The following KIRREL3 variants were observed in gnomAD, a reference collection of about 807,000 sequenced individuals.
The protein encoded by KIRREL3 is kirre like nephrin family adhesion molecule 3.
A neutral mutation model predicts 89.7 loss-of-function variants in KIRREL3; 36 were observed. The ratio of observed to expected loss-of-function variants is 0.40; its 90% CI spans 0.31 to 0.53. The LOEUF is 0.53. Among genes scored for constraint, KIRREL3 ranks in the 20% least tolerant of loss-of-function variants. KIRREL3 has a pLI of 0.49. For synonymous variants in KIRREL3, 445 were observed against 441.4 expected, an observed-to-expected ratio of 1.01 and a Z score of -0.10; for missense variants, 864 against 1,056.6, an observed-to-expected ratio of 0.82 and a Z score of 2.53.
intron 1 of KIRREL3, among the ~76,000 whole-genome samples, chr11:126,841,956 C>T (rs749030009): frequency 9.9e-5 from 15 of 152,192 alleles, no homozygotes; most frequent in Non-Finnish European, 1.8e-4. Context: ...TAGGGGGTAA[C>T]CTTGCTTCCC....
chr11:126,521,072 A>G lies in KIRREL3; in HGVS notation c.433+243T>C, dbSNP rs879809023. Among the ~76,000 whole-genome samples the G allele has an allele frequency of 2.0e-5, 3 of 152,182 alleles. No homozygotes were observed. Among genetic ancestry groups the G allele is most frequent in the Non-Finnish European group, 2.9e-5 (2 of 68,022 alleles). ...CATTAGCTGCCTAAGGCACCATCAA[A>G]CACGCCGGGGTTGGACTGAGTCCGC... is the stretch of plus-strand genomic sequence containing the variant. On this transcript the variant is annotated intron_variant, in intron 4 of 16. Coordinates refer to ENST00000525144, the MANE Select transcript of KIRREL3 (RefSeq NM_032531.4). The surrounding 1 kb of genome is among the most constrained non-coding windows in gnomAD (Gnocchi z 4.1).
chr11:126,646,766 C>T (rs749030453), intron 1 of KIRREL3, among the ~76,000 whole-genome samples: 5 of 152,220 alleles, frequency 3.3e-5, no homozygotes, highest in East Asian at 3.9e-4. Flanking sequence ...TGAGCCACTG[C>T]GCCCGGCCAC....
At chr11:126,972,371 T>G (rs1468348890) in intron 1 of KIRREL3, among the ~76,000 whole-genome samples, 2 of 152,202 alleles carry the variant, frequency 1.3e-5, no homozygotes, top group African/African-American at 4.8e-5. Context: ...TCCCACTCTA[T>G]GCAAAAGCTG....
At chr11:126,556,281 A>G (rs1420301956) in intron 2 of KIRREL3, among the ~76,000 whole-genome samples, 3 of 151,996 alleles carry the variant, frequency 2.0e-5, no homozygotes, top group Non-Finnish European at 4.4e-5. Flanking sequence ...TACAGGAGGC[A>G]CTCAGGAGAT....
Position 126,954,245 on chromosome 11 carries a change from G to T in KIRREL3, c.55+46210C>A, listed in dbSNP as rs887448197. 6.6e-6 allele frequency among the ~76,000 whole-genome samples: 1 copy of T among 151,096 alleles called. No homozygotes were observed. The highest frequency in any genetic ancestry group is 6.6e-5 in the Admixed American group (1 of 15,174). On this transcript the variant is annotated intron_variant, in intron 1 of 16. Coordinates refer to ENST00000525144, the MANE Select transcript of KIRREL3 (RefSeq NM_032531.4). The surrounding 1 kb of genome is among the most constrained non-coding windows in gnomAD (Gnocchi z 4.1). ...CTCAAGGATTATAGAGGAATTCTGG[G>T]AAGCTTTCATCAGGCCTCTTAAAAA...
At position 126,566,570 on chromosome 11, in the gene KIRREL3, G is replaced by A. The variant is rs1940536173; in HGVS notation, c.56-3658C>T. On this transcript the variant is annotated intron_variant, in intron 1 of 16. Coordinates refer to ENST00000525144, the MANE Select transcript of KIRREL3 (RefSeq NM_032531.4). This position sits in a 1 kb window ranked among gnomAD's most constrained non-coding sequence, Gnocchi z 4.9. ...AGCACAATGGGTTTAGGTTAGCAGA[G>A]GTTGGTTGTAGAGTGAATGAAACTT... Among the ~76,000 whole-genome samples the A allele has an allele frequency of 6.6e-6, 1 of 152,192 alleles. No homozygotes were observed. The highest frequency in any genetic ancestry group is 2.4e-5 in the African/African-American group (1 of 41,442).
intron 1 of KIRREL3, among the ~76,000 whole-genome samples, chr11:126,792,543 C>T (rs1950678123): frequency 6.6e-6 from 1 of 152,140 alleles, no homozygotes; most frequent in South Asian, 2.1e-4. Context: ...CCCAGCAATT[C>T]TTCAGGTATA....
chr11:126,823,654 G>A (rs983137878), intron 1 of KIRREL3, among the ~76,000 whole-genome samples: 1 of 152,158 alleles, frequency 6.6e-6, no homozygotes, highest in African/African-American at 2.4e-5. Flanking sequence ...GGATAAATAG[G>A]GAGAAATCAG....
chr11:126,842,842 G>A (rs1944010379), intron 1 of KIRREL3, among the ~76,000 whole-genome samples: 1 of 152,174 alleles, frequency 6.6e-6, no homozygotes, highest in South Asian at 2.1e-4. Context: ...CAGAACACTG[G>A]GCCGACCATG....
At chr11:126,554,421 C>T (rs1385449182) in intron 2 of KIRREL3, among the ~76,000 whole-genome samples, 2 of 152,190 alleles carry the variant, frequency 1.3e-5, no homozygotes. Flanking sequence ...GGTAAACTTT[C>T]TGGGGACCAA....
chr11:126,522,593 C>A lies in KIRREL3; in HGVS notation c.284-1129G>T, dbSNP rs1254233276. 6.6e-6 allele frequency among the ~76,000 whole-genome samples: 1 copy of A among 152,218 alleles called. No individual in the cohort carries two copies. The highest frequency in any genetic ancestry group is 1.5e-5 in the Non-Finnish European group (1 of 68,046). On this transcript the variant is annotated intron_variant, in intron 3 of 16. Transcript: ENST00000525144. This position sits in a 1 kb window ranked among gnomAD's most constrained non-coding sequence, Gnocchi z 6.0. ...AGAATATAAATCATTAATCAGCGTTCCTGCTGCTGTGTAGGGTTGAATATA... is the reference window on the plus strand; with the variant it reads ...AGAATATAAATCATTAATCAGCGTTACTGCTGCTGTGTAGGGTTGAATATA...
chr11:126,921,625 CCTATCT>C (rs369047216), intron 1 of KIRREL3, among the ~76,000 whole-genome samples: 35,971 of 72,596 alleles, frequency 0.5, 9,578 homozygotes, highest in Middle Eastern at 0.73. Context: ...TATCTATCTT[CCTATCT>C]ATCCATCCAT....
At chr11:126,937,516 A>G (rs1948243389) in intron 1 of KIRREL3, among the ~76,000 whole-genome samples, 1 of 152,140 alleles carries the variant, frequency 6.6e-6, no homozygotes, top group Non-Finnish European at 1.5e-5. Context: ...AGCTTTGGAG[A>G]AAGCTTTTGC....
In KIRREL3 at chr11:126,736,620, T is replaced by A. The variant is rs1459340975; in HGVS notation, c.56-173708A>T. Among the ~76,000 whole-genome samples, 5 of 152,026 alleles carry A rather than the reference T, an allele frequency of 3.3e-5. No individual in the cohort carries two copies. The highest frequency in any genetic ancestry group is 7.4e-5 in the Non-Finnish European group (5 of 68,012). ...AGGGGTACCTGCTCCTGGCCTCCAGTGAGGAGCCCAGGGTGCTGCTAACCA... is the reference window on the plus strand; with the variant it reads ...AGGGGTACCTGCTCCTGGCCTCCAGAGAGGAGCCCAGGGTGCTGCTAACCA... On this transcript the variant is annotated intron_variant, in intron 1 of 16. Coordinates refer to ENST00000525144, the MANE Select transcript of KIRREL3 (RefSeq NM_032531.4). The surrounding 1 kb of genome is among the most constrained non-coding windows in gnomAD (Gnocchi z 5.0).
chr11:126,535,135 G>A lies in KIRREL3; in HGVS notation c.134-8448C>T, dbSNP rs1937742786. Among the ~76,000 whole-genome samples the A allele has an allele frequency of 6.6e-6, 1 of 152,072 alleles. No homozygotes were observed. Among genetic ancestry groups the A allele is most frequent in the African/African-American group, 2.4e-5 (1 of 41,400 alleles). On this transcript the variant is annotated intron_variant, in intron 2 of 16. Coordinates refer to ENST00000525144, the MANE Select transcript of KIRREL3 (RefSeq NM_032531.4). The surrounding 1 kb of genome is among the most constrained non-coding windows in gnomAD (Gnocchi z 4.5). ...GCAGGCAGATGGCATCCTCAGATCA[G>A]TGGTGGGGCTGGATGTCTTCCCCAG...
rs997551701 is a variant in KIRREL3 at position 126,428,400 on chromosome 11, C to T, written c.1806+779G>A. 6.6e-6 allele frequency among the ~76,000 whole-genome samples: 1 copy of T among 152,170 alleles called. No individual in the cohort carries two copies. The highest frequency in any genetic ancestry group is 1.5e-5 in the Non-Finnish European group (1 of 68,016). ...GAAGAGGAGGAGCAGGCTTGATGTG[C>T]CTGGAGAAGTGATGAGTTGACTGGC... On this transcript the variant is annotated intron_variant, in intron 15 of 16. Transcript: ENST00000525144. The surrounding 1 kb of genome is among the most constrained non-coding windows in gnomAD (Gnocchi z 6.4).
intron 1 of KIRREL3, among the ~76,000 whole-genome samples, chr11:126,711,838 C>T (rs1468948929): frequency 6.6e-6 from 1 of 152,204 alleles, no homozygotes; most frequent in Non-Finnish European, 1.5e-5. Context: ...CTCCCAGCTG[C>T]CCTCTCTCCA....
At position 126,513,036 on chromosome 11, in the gene KIRREL3, T is replaced by C. The variant is rs1958276456; in HGVS notation, c.433+8279A>G. On this transcript the variant is annotated intron_variant, in intron 4 of 16. Coordinates refer to ENST00000525144, the MANE Select transcript of KIRREL3 (RefSeq NM_032531.4). This position sits in a 1 kb window ranked among gnomAD's most constrained non-coding sequence, Gnocchi z 5.9. ...CCCAGTGAGGGCCGTTTGTCCTGCT[T>C]GGGTCTGGAGAGTTTCCAATGCCCT... is the stretch of plus-strand genomic sequence containing the variant. 6.6e-6 allele frequency among the ~76,000 whole-genome samples: 1 copy of C among 152,044 alleles called. No individual in the cohort carries two copies. The highest frequency in any genetic ancestry group is 1.5e-5 in the Non-Finnish European group (1 of 68,018).
intron 1 of KIRREL3, among the ~76,000 whole-genome samples, chr11:126,851,778 C>A (rs1233200866): frequency 6.6e-6 from 1 of 152,164 alleles, no homozygotes; most frequent in East Asian, 1.9e-4. Context: ...TTTATTTGCC[C>A]TTTTTTGATG....
Sources: allele counts gnomAD v4.1 joint callset (sites outside exome capture counted in the v4.1 genomes callset), GRCh38; gene constraint gnomAD v4.1.1; non-coding constraint Gnocchi (gnomAD v3.1); transcripts MANE v1.5; gene names NCBI Gene and HGNC (gene_info 2026-07-23, HGNC 2026-07-21).